Variants in SLC35F6 observed in about 807,000 individuals in gnomAD.
The protein encoded by SLC35F6 is solute carrier family 35 member F6, also known as ANT2-binding protein.
Under a neutral mutation model 29.4 loss-of-function variants are expected in SLC35F6, and 26 were observed. The observed-to-expected ratio is 0.89, with a 90% CI of 0.65 to 1.23. The LOEUF is 1.23. Among genes scored for constraint, SLC35F6 ranks in the 50% most tolerant of loss-of-function variants. The pLI is 0.00. For synonymous variants in SLC35F6, 174 were observed against 206.6 expected (o/e 0.84, Z 1.35); for missense variants, 428 against 487.8 (o/e 0.88, Z 1.15).
intron 1 of SLC35F6, among the ~76,000 whole-genome samples, chr2:26,773,073 T>C (rs1021584004): frequency 6.6e-6 from 1 of 152,156 alleles, no homozygotes; most frequent in Non-Finnish European, 1.5e-5. Flanking sequence ...TGGTCTGTAT[T>C]AAGTCATTTC....
At position 26,775,025 on chromosome 2, in the gene SLC35F6, CG is replaced by C. The variant is rs1664272310; in HGVS notation, c.151-16del. On this transcript the variant is annotated intron_variant, in intron 2 of 5. Transcript: ENST00000344420. The surrounding 1 kb of genome is among the most constrained non-coding windows in gnomAD (Gnocchi z 4.6). ...AGATCCCTTCCAGCTCTGAAGTCCT[CG>C]GGTTTTCATCCCTGCAGGCAGTGGG... 6.2e-7 allele frequency: 1 copy of C among 1,603,268 alleles called. No homozygotes were observed. The highest frequency in any genetic ancestry group is 8.5e-7 in the Non-Finnish European group (1 of 1,173,636).
At chr2:26,773,996 C>T (rs934743059) in intron 1 of SLC35F6, among the ~76,000 whole-genome samples, 8 of 152,184 alleles carry the variant, frequency 5.3e-5, no homozygotes, top group African/African-American at 1.9e-4. Context: ...TGATACCTCA[C>T]GATATATACA....
rs144052229 is a variant in SLC35F6, at chr2:26,780,516, T to TA, written c.*2006dup. ...AAGTTGCTTAACTTTCATTCTGTCTTACGATAGTCTTCAGAGGTGGGAACA... is the reference window on the plus strand; with the variant it reads ...AAGTTGCTTAACTTTCATTCTGTCTTAACGATAGTCTTCAGAGGTGGGAACA... On this transcript the variant is annotated 3_prime_UTR_variant, in exon 6 of 6. Coordinates refer to ENST00000344420, the MANE Select transcript of SLC35F6 (RefSeq NM_017877.4). 1 of 152,328 alleles carries TA rather than the reference T, an allele frequency of 6.6e-6. No individual in the cohort carries two copies. Among genetic ancestry groups the TA allele is most frequent in the East Asian group, 1.9e-4 (1 of 5,176 alleles). The allele number at this position is 152,328 out of a possible 1,614,324, so 9.4% of individuals were successfully genotyped here.
rs1465038997 is a variant in SLC35F6, at chr2:26,778,592, G to A, written c.*81G>A. The A allele has an allele frequency of 1.5e-6, 2 of 1,366,982 alleles. No individual in the cohort carries two copies. The highest frequency in any genetic ancestry group is 2.7e-5 in the Admixed American group (1 of 37,482). The allele number at this position is 1,366,982 out of a possible 1,614,324, so 84.7% of individuals were successfully genotyped here. On this transcript the variant is annotated 3_prime_UTR_variant, in exon 6 of 6. Coordinates refer to ENST00000344420, the MANE Select transcript of SLC35F6 (RefSeq NM_017877.4). ...CCACACAGGCTGGTGGGCCCCGAAT[G>A]CCCTATCCCCAAGGCCTCACCCTGT... is the stretch of plus-strand genomic sequence containing the variant.
chr2:26,777,904 C>G (rs1285687998), intron 5 of SLC35F6, 138 bp from the exon 6 acceptor site: 2 of 748,798 alleles, frequency 2.7e-6, no homozygotes, highest in Non-Finnish European at 4.4e-6. Context: ...TGATGAGAGA[C>G]TGAGGGACGT....
Position 26,775,034 on chromosome 2 carries a change from A to C in SLC35F6, c.151-10A>C, listed in dbSNP as rs373207345. ...CCAGCTCTGAAGTCCTCGGGTTTTCATCCCTGCAGGCAGTGGGCATGTTCC... is the reference window on the plus strand; with the variant it reads ...CCAGCTCTGAAGTCCTCGGGTTTTCCTCCCTGCAGGCAGTGGGCATGTTCC... On this transcript the variant is annotated splice_polypyrimidine_tract_variant and intron_variant, in intron 2 of 5. Coordinates refer to ENST00000344420, the MANE Select transcript of SLC35F6 (RefSeq NM_017877.4). This position sits in a 1 kb window ranked among gnomAD's most constrained non-coding sequence, Gnocchi z 4.6. 3.1e-4 allele frequency: 502 copies of C among 1,608,136 alleles called. 1 individual carries two copies. The highest frequency in any genetic ancestry group is 3.9e-4 in the Non-Finnish European group (454 of 1,176,794).
chr2:26,771,953 C>T (rs1186956948), intron 1 of SLC35F6, among the ~76,000 whole-genome samples: 4 of 152,156 alleles, frequency 2.6e-5, no homozygotes, highest in African/African-American at 9.7e-5. Context: ...GGTCCCCAAG[C>T]CATGCCAGGC....
In SLC35F6 at chr2:26,778,031, C is replaced by T. The variant is rs1664333688; in HGVS notation, c.647-11C>T. On this transcript the variant is annotated splice_polypyrimidine_tract_variant and intron_variant, in intron 5 of 5. Coordinates refer to ENST00000344420, the MANE Select transcript of SLC35F6 (RefSeq NM_017877.4). The stretch of plus-strand genomic sequence containing the variant: ...AAGGTGGAGAGTGTAACTGTTTCCT[C>T]TACTCCCCAGGCCTCTTTGGCTTTG... 1 of 1,602,932 alleles carries T rather than the reference C, an allele frequency of 6.2e-7. No homozygotes were observed. The highest frequency in any genetic ancestry group is 2.2e-5 in the East Asian group (1 of 44,646).
At position 26,775,736 on chromosome 2, in the gene SLC35F6, C is replaced by CA; in HGVS notation, c.535+61dup. 3 of 1,482,046 alleles carry CA rather than the reference C, an allele frequency of 2.0e-6. No individual in the cohort carries two copies. The highest frequency in any genetic ancestry group is 2.7e-6 in the Non-Finnish European group (3 of 1,114,712). 91.8% of individuals were successfully genotyped at this position (1,482,046 alleles called of 1,614,324 possible). A position where few individuals can be genotyped will look rare whatever the true frequency, so the allele number is the denominator to read the frequency against. ...TCCTGCCCTGTCCTCCTTGGGAGCC[C>CA]AGCACAGACTCATACAAGCTCTGCC... On this transcript the variant is annotated intron_variant, in intron 4 of 5. Transcript: ENST00000344420. This position sits in a 1 kb window ranked among gnomAD's most constrained non-coding sequence, Gnocchi z 4.6.
Position 26,764,442 on chromosome 2 carries a change from G to A in SLC35F6, c.77+16G>A, listed in dbSNP as rs1438322415. ...TCTCGGCAAAGTGAGTCTGGGCCCTGCCGGGCGTGCGGGCCCTGGCGACCC... is the reference window on the plus strand; with the variant it reads ...TCTCGGCAAAGTGAGTCTGGGCCCTACCGGGCGTGCGGGCCCTGGCGACCC... On this transcript the variant is annotated intron_variant, in intron 1 of 5. Transcript: ENST00000344420. 16 of 1,550,772 alleles carry A rather than the reference G, an allele frequency of 1.0e-5. No homozygotes were observed. The highest frequency in any genetic ancestry group is 1.3e-5 in the Non-Finnish European group (15 of 1,146,772).
In SLC35F6 at chr2:26,774,268, T is replaced by C. The variant is rs764238638; in HGVS notation, c.95T>C (p.Met32Thr). ...TCCTACAGATGGGCGGACAATTTCA[T>C]GGCCGAGGGCTGTGGAGGGAGCAAG... ...TLSAKWADNF[M>T]AEGCGGSKEH... Residue 32 changes from methionine (M) to threonine (T), a missense_variant, in exon 2 of 6, where the codon ATG becomes ACG. By Grantham distance (81) the Met-to-Thr change is moderately conservative. Coordinates refer to ENST00000344420, the MANE Select transcript of SLC35F6 (RefSeq NM_017877.4). 17 of 1,614,032 alleles carry C rather than the reference T, an allele frequency of 1.1e-5. No homozygotes were observed. The South Asian group carries it at 1.9e-4, about 18-fold the overall frequency.
intron 1 of SLC35F6, among the ~76,000 whole-genome samples, chr2:26,768,842 C>T (rs1199455168): frequency 2.0e-5 from 3 of 151,864 alleles, no homozygotes; most frequent in Non-Finnish European, 1.5e-5. Context: ...AGCGTCTTGC[C>T]ATGTTTCCTA....
At chr2:26,772,243 G>C (rs548200725) in intron 1 of SLC35F6, among the ~76,000 whole-genome samples, 39 of 152,240 alleles carry the variant, frequency 2.6e-4, no homozygotes, top group African/African-American at 8.9e-4. Flanking sequence ...TGGGTGCTGC[G>C]GGGGAGGTAC....
chr2:26,778,576 C>G lies in SLC35F6; in HGVS notation c.*65C>G. 4 of 1,442,778 alleles carry G rather than the reference C, an allele frequency of 2.8e-6. No homozygotes were observed. The highest frequency in any genetic ancestry group is 1.4e-5 in the South Asian group (1 of 73,126). 89.4% of individuals were successfully genotyped at this position (1,442,778 alleles called of 1,614,324 possible). ...CTCCCTGAGACTGAGGCCACACAGG[C>G]TGGTGGGCCCCGAATGCCCTATCCC... On this transcript the variant is annotated 3_prime_UTR_variant, in exon 6 of 6. Coordinates refer to ENST00000344420, the MANE Select transcript of SLC35F6 (RefSeq NM_017877.4).
chr2:26,765,630 ACG>A (rs1246038725), intron 1 of SLC35F6, among the ~76,000 whole-genome samples: 6 of 152,354 alleles, frequency 3.9e-5, no homozygotes, highest in Admixed American at 2.6e-4. Context: ...ACAGACGTGT[ACG>A]CACACGACAG....
chr2:26,771,436 A>G (rs1324907126), intron 1 of SLC35F6, among the ~76,000 whole-genome samples: 4 of 152,178 alleles, frequency 2.6e-5, no homozygotes, highest in Non-Finnish European at 5.9e-5. Context: ...GGGGATTCCC[A>G]TCTCTCTGAC....
chr2:26,774,266 C>T lies in SLC35F6; in HGVS notation c.93C>T (p.Phe31=). 1 of 1,614,136 alleles carries T rather than the reference C, an allele frequency of 6.2e-7. No individual in the cohort carries two copies. Residue 31 remains phenylalanine (F), a synonymous_variant, in exon 2 of 6, where the codon TTC becomes TTT. Coordinates refer to ENST00000344420, the MANE Select transcript of SLC35F6 (RefSeq NM_017877.4). ...NTLSAKWADN[F]MAEGCGGSKE... is the part of the protein sequence containing the mutation. ...TCTCCTACAGATGGGCGGACAATTT[C>T]ATGGCCGAGGGCTGTGGAGGGAGCA...
Position 26,779,481 on chromosome 2 carries a change from T to C in SLC35F6, c.*970T>C, listed in dbSNP as rs1259129799. The C allele has an allele frequency of 6.6e-6, 1 of 152,210 alleles. No homozygotes were observed. Among genetic ancestry groups the C allele is most frequent in the Non-Finnish European group, 1.5e-5 (1 of 68,106 alleles). 9.4% of individuals were successfully genotyped at this position (152,210 alleles called of 1,614,324 possible). A position where few individuals can be genotyped will look rare whatever the true frequency, so the allele number is the denominator to read the frequency against. ...ACAGTAACAGCCCATCCACTGGAAA[T>C]ACCCCTCTGCCCACAGCACCACCCT... On this transcript the variant is annotated 3_prime_UTR_variant, in exon 6 of 6. Coordinates refer to ENST00000344420, the MANE Select transcript of SLC35F6 (RefSeq NM_017877.4).
At chr2:26,768,656 C>CTTTTTT (rs569353471) in intron 1 of SLC35F6, among the ~76,000 whole-genome samples, 1 of 124,002 alleles carries the variant, frequency 8.1e-6, no homozygotes, top group African/African-American at 3.1e-5. Flanking sequence ...TGTGCCCAGC[C>CTTTTTT]TTTTTTTTTT....
Sources: allele counts gnomAD v4.1 joint callset (sites outside exome capture counted in the v4.1 genomes callset), GRCh38; gene constraint gnomAD v4.1.1; non-coding constraint Gnocchi (gnomAD v3.1); transcripts MANE v1.5; gene names NCBI Gene and HGNC (gene_info 2026-07-23, HGNC 2026-07-21).